Variants in GSK3B observed in about 807,000 individuals in gnomAD.
GSK3B encodes the protein glycogen synthase kinase 3 beta, also known as glycogen synthase kinase-3 beta.
A neutral mutation model predicts 56.4 loss-of-function variants in GSK3B; 15 were observed. The observed-to-expected ratio is 0.27, with a 90% CI of 0.18 to 0.41. The LOEUF is 0.41. Ranked by LOEUF, GSK3B falls within the 10% of genes least tolerant of loss-of-function variation. The probability of loss-of-function intolerance (pLI) is 1.00; values close to 1 mark genes in which losing one functional copy is unlikely to be tolerated. For synonymous variants in GSK3B, 181 were observed against 188.9 expected, an observed-to-expected ratio of 0.96 and a Z score of 0.34; for missense variants, 300 against 513.4, an observed-to-expected ratio of 0.58 and a Z score of 4.02.
At chr3:119,872,969 T>C (rs2056267070) in intron 8 of GSK3B, among the ~76,000 whole-genome samples, 1 of 152,158 alleles carries the variant, frequency 6.6e-6, no homozygotes, top group Non-Finnish European at 1.5e-5. Flanking sequence ...CTCAATCTAC[T>C]ATTGCATCAC....
At chr3:119,933,738 A>G (rs889948761) in intron 3 of GSK3B, among the ~76,000 whole-genome samples, 1 of 151,982 alleles carries the variant, frequency 6.6e-6, no homozygotes, top group Non-Finnish European at 1.5e-5. Flanking sequence ...TTAGCCAGGC[A>G]TGGTGGCAGA....
At chr3:119,949,564 T>A (rs529940486) in intron 2 of GSK3B, among the ~76,000 whole-genome samples, 3 of 152,112 alleles carry the variant, frequency 2.0e-5, no homozygotes, top group Non-Finnish European at 4.4e-5. Flanking sequence ...GTAGGAGTTA[T>A]GTTCAGAGAG....
intron 1 of GSK3B, among the ~76,000 whole-genome samples, chr3:120,022,230 C>T (rs1278449608): frequency 6.6e-6 from 1 of 152,286 alleles, no homozygotes; most frequent in Non-Finnish European, 1.5e-5. Flanking sequence ...AAAAAGATGA[C>T]TATTCGCTGA....
At chr3:119,844,359 A>T (rs1291245131) in intron 9 of GSK3B, among the ~76,000 whole-genome samples, 1 of 79,912 alleles carries the variant, frequency 1.3e-5, no homozygotes. Context: ...GAGACACAAA[A>T]AACTCTTAAA....
At chr3:120,078,643 C>T (rs1205681914) in intron 1 of GSK3B, among the ~76,000 whole-genome samples, 1 of 150,588 alleles carries the variant, frequency 6.6e-6, no homozygotes, top group Non-Finnish European at 1.5e-5. Flanking sequence ...ACCTCTGCCT[C>T]TGGGGTTCAA....
At chr3:119,963,159 A>C (rs1392504170) in intron 2 of GSK3B, among the ~76,000 whole-genome samples, 1 of 152,242 alleles carries the variant, frequency 6.6e-6, no homozygotes. Flanking sequence ...AGACTTGTAC[A>C]CTAAAAATTA....
chr3:119,875,518 C>T, intron 8 of GSK3B, among the ~76,000 whole-genome samples: 1 of 146,488 alleles, frequency 6.8e-6, no homozygotes, highest in African/African-American at 2.4e-5. Context: ...CACACACACA[C>T]ACACACACAC....
intron 1 of GSK3B, among the ~76,000 whole-genome samples, chr3:120,028,191 C>T (rs1375179963): frequency 1.3e-5 from 2 of 152,110 alleles, no homozygotes; most frequent in African/African-American, 2.4e-5. Flanking sequence ...TAAAAGATTT[C>T]GTAAAAGGCT....
intron 1 of GSK3B, among the ~76,000 whole-genome samples, chr3:120,016,676 T>A (rs2057830396): frequency 6.6e-6 from 1 of 152,184 alleles, no homozygotes; most frequent in Admixed American, 6.5e-5. Flanking sequence ...TATCCATACT[T>A]CTTCTGAGCC....
At chr3:120,053,198 G>A (rs2058165048) in intron 1 of GSK3B, among the ~76,000 whole-genome samples, 1 of 152,144 alleles carries the variant, frequency 6.6e-6, no homozygotes. Flanking sequence ...TTAGCCGGGT[G>A]TGTTGGCGGG....
At chr3:119,852,721 C>T (rs897067346) in intron 9 of GSK3B, among the ~76,000 whole-genome samples, 1 of 152,058 alleles carries the variant, frequency 6.6e-6, no homozygotes, top group Non-Finnish European at 1.5e-5. Context: ...AAAAAATAAA[C>T]TTATTGGGCA....
chr3:120,059,558 G>GA (rs2058219766), intron 1 of GSK3B, among the ~76,000 whole-genome samples: 1 of 152,080 alleles, frequency 6.6e-6, no homozygotes, highest in Admixed American at 6.5e-5. Context: ...TACAACTTCC[G>GA]AATTCCAAAG....
chr3:119,989,333 A>G (rs2057542716), intron 2 of GSK3B, among the ~76,000 whole-genome samples: 1 of 152,142 alleles, frequency 6.6e-6, no homozygotes, highest in African/African-American at 2.4e-5. Flanking sequence ...AAAAGTCATA[A>G]ATATCAATGT....
chr3:119,869,517 A>G (rs2056226759), intron 8 of GSK3B, among the ~76,000 whole-genome samples: 1 of 152,208 alleles, frequency 6.6e-6, no homozygotes, highest in Non-Finnish European at 1.5e-5. Context: ...AAGAAGGTTG[A>G]GCATAAGAAA....
intron 3 of GSK3B, among the ~76,000 whole-genome samples, chr3:119,928,619 A>AT (rs1246544682): frequency 1.2e-4 from 18 of 146,364 alleles, no homozygotes; most frequent in Non-Finnish European, 1.9e-4. Flanking sequence ...AAATAAAAAA[A>AT]AAAAAAAAAA....
chr3:119,852,113 G>A (rs539276698), intron 9 of GSK3B, among the ~76,000 whole-genome samples: 3 of 152,204 alleles, frequency 2.0e-5, no homozygotes, highest in Admixed American at 1.3e-4. Context: ...AAATTACAAG[G>A]CTTACTGATA....
At chr3:120,023,084 T>C (rs2057893135) in intron 1 of GSK3B, among the ~76,000 whole-genome samples, 1 of 152,088 alleles carries the variant, frequency 6.6e-6, no homozygotes, top group African/African-American at 2.4e-5. Context: ...CTCCTACTGT[T>C]AACTACCTGA....
intron 4 of GSK3B, among the ~76,000 whole-genome samples, chr3:119,918,944 A>G (rs1246243491): frequency 6.6e-6 from 1 of 152,082 alleles, no homozygotes; most frequent in Non-Finnish European, 1.5e-5. Flanking sequence ...AATAGAATAC[A>G]TGTTAAAACA....
chr3:120,044,660 T>G (rs924052404), intron 1 of GSK3B, among the ~76,000 whole-genome samples: 1 of 152,150 alleles, frequency 6.6e-6, no homozygotes, highest in African/African-American at 2.4e-5. Flanking sequence ...TCAACAAAAA[T>G]GTAGATTGGA....
Sources: allele counts gnomAD v4.1 joint callset (sites outside exome capture counted in the v4.1 genomes callset), GRCh38; gene constraint gnomAD v4.1.1; transcripts MANE v1.5; gene names NCBI Gene and HGNC (gene_info 2026-07-23, HGNC 2026-07-21).